Variants in ROBO3 observed in about 807,000 individuals in gnomAD.
ROBO3 encodes the protein roundabout guidance receptor 3, also known as roundabout homolog 3.
A neutral mutation model predicts 160.5 loss-of-function variants in ROBO3; 97 were observed. The ratio of observed to expected loss-of-function variants is 0.60; its 90% CI spans 0.51 to 0.72. ROBO3 has a LOEUF of 0.72. ROBO3 is among the 30% of genes least tolerant of loss of function. ROBO3 has a pLI of 0.00. For synonymous variants in ROBO3, 780 were observed against 746.2 expected, an observed-to-expected ratio of 1.05 and a Z score of -0.74; for missense variants, 1,858 against 1,846.5, an observed-to-expected ratio of 1.01 and a Z score of -0.11.
At position 124,879,626 on chromosome 11, in the gene ROBO3, G is replaced by A. The variant is rs549331422; in HGVS notation, c.3796+51G>A. 94 of 1,550,690 alleles carry A rather than the reference G, an allele frequency of 6.1e-5. No homozygotes were observed. In the African/African-American group the frequency reaches 1.1e-3, roughly 18 times the overall value. ...GGTGACAGTAGTGGCGGGGGGATAG[G>A]CAGGAAACCAAGGGTGCACTCTGGG... On this transcript the variant is annotated intron_variant, in intron 25 of 27. Coordinates refer to ENST00000397801, the MANE Select transcript of ROBO3 (RefSeq NM_022370.4).
Position 124,871,031 on chromosome 11 carries a change from A to C in ROBO3, c.1051A>C (p.Thr351Pro), listed in dbSNP as rs1565310351. 6.2e-7 allele frequency: 1 copy of C among 1,607,252 alleles called. No homozygotes were observed. The highest frequency in any genetic ancestry group is 8.5e-7 in the Non-Finnish European group (1 of 1,174,484). ...CTTCCCAGTCCCACCCCAGTTGGTG[A>C]CCCAGCCCCAGGACCAGATGGCAGC... ...LSVHVPPQLV[T>P]QPQDQMAAPG... Residue 351 changes from threonine to proline, a missense_variant, in exon 7 of 28, where the codon ACC becomes CCC. Coordinates refer to ENST00000397801, the MANE Select transcript of ROBO3 (RefSeq NM_022370.4).
Position 124,876,381 on chromosome 11 carries a change from C to T in ROBO3, c.2700C>T (p.Ala900=). 6.9e-7 allele frequency: 1 copy of T among 1,445,140 alleles called. No homozygotes were observed. 89.5% of individuals were successfully genotyped at this position (1,445,140 alleles called of 1,614,324 possible). A position where few individuals can be genotyped will look rare whatever the true frequency, so the allele number is the denominator to read the frequency against. Residue 900 remains alanine, a synonymous_variant, in exon 17 of 28, where the codon GCC becomes GCT. Transcript: ENST00000397801. The surrounding 1 kb of genome is among the most constrained non-coding windows in gnomAD (Gnocchi z 5.3). ...EPAFLAGSGA[A]CGALLLGLCA... ...CCTTCCTCGCGGGCAGCGGCGCAGC[C>T]TGCGGGGCGCTGCTTCTCGGGCTCT...
Position 124,881,425 on chromosome 11 carries a change from C to G in ROBO3, c.*175C>G. 1 of 634,520 alleles carries G rather than the reference C, an allele frequency of 1.6e-6. No homozygotes were observed. Among genetic ancestry groups the G allele is most frequent in the Non-Finnish European group, 2.8e-6 (1 of 362,040 alleles). 39.3% of individuals were successfully genotyped at this position (634,520 alleles called of 1,614,324 possible). On this transcript the variant is annotated 3_prime_UTR_variant, in exon 28 of 28. Coordinates refer to ENST00000397801, the MANE Select transcript of ROBO3 (RefSeq NM_022370.4). ...CCTTTCTTTCTTTTTCCACCTGAGA[C>G]TTGTTTATAAAAAACAAAACAATAA...
chr11:124,874,980 G>T, intron 13 of ROBO3, 71 bp downstream of exon 13: 2 of 1,549,198 alleles, frequency 1.3e-6, no homozygotes, highest in Non-Finnish European at 1.7e-6. Flanking sequence ...CCAAGAGTGA[G>T]TATGGGAGAG....
rs1946392427 is a variant in ROBO3 at position 124,876,910 on chromosome 11, G to A, written c.2780-251G>A. On this transcript the variant is annotated intron_variant, in intron 17 of 27. Coordinates refer to ENST00000397801, the MANE Select transcript of ROBO3 (RefSeq NM_022370.4). The surrounding 1 kb of genome is among the most constrained non-coding windows in gnomAD (Gnocchi z 5.3). ...CTACTTCCTAGTAAGGGACGTCTCTGGAGAGATTCTGAGGTGTTTGAGGTC... is the reference window on the plus strand; with the variant it reads ...CTACTTCCTAGTAAGGGACGTCTCTAGAGAGATTCTGAGGTGTTTGAGGTC... 9 of 608,438 alleles carry A rather than the reference G, an allele frequency of 1.5e-5. No homozygotes were observed. In the South Asian group the frequency reaches 1.8e-4, roughly 12 times the overall value. 37.7% of individuals were successfully genotyped at this position (608,438 alleles called of 1,614,324 possible).
At chr11:124,866,203 T>C (rs1207139973) in intron 1 of ROBO3, among the ~76,000 whole-genome samples, 9 of 152,128 alleles carry the variant, frequency 5.9e-5, no homozygotes, top group African/African-American at 2.2e-4. Flanking sequence ...GAAGCCAAAA[T>C]GCTGGATGTG....
rs1056068707 is a variant in ROBO3, at chr11:124,872,005, A to G, written c.1159-376A>G. 3.3e-5 allele frequency among the ~76,000 whole-genome samples: 5 copies of G among 152,168 alleles called. No individual in the cohort carries two copies. Among genetic ancestry groups the G allele is most frequent in the Non-Finnish European group, 7.4e-5 (5 of 68,024 alleles). On this transcript the variant is annotated intron_variant, in intron 7 of 27. Coordinates refer to ENST00000397801, the MANE Select transcript of ROBO3 (RefSeq NM_022370.4). The surrounding 1 kb of genome is among the most constrained non-coding windows in gnomAD (Gnocchi z 4.3). The stretch of plus-strand genomic sequence containing the variant: ...TGGATCTATGGAATGAAAACTGTTC[A>G]AGCAGGAAGAAGAGGAATGTGTTTA...
At position 124,865,529 on chromosome 11, in the gene ROBO3, CA is replaced by C; in HGVS notation, c.-48del. 1 of 1,584,764 alleles carries C rather than the reference CA, an allele frequency of 6.3e-7. No individual in the cohort carries two copies. Among genetic ancestry groups the C allele is most frequent in the Non-Finnish European group, 8.6e-7 (1 of 1,165,322 alleles). ...GCTCCCAGCCCACGGGTCTCAGACC[CA>C]GGGGCTGGGCCCCCAGCCCCCAGTC... On this transcript the variant is annotated 5_prime_UTR_variant, in exon 1 of 28. Coordinates refer to ENST00000397801, the MANE Select transcript of ROBO3 (RefSeq NM_022370.4). This position sits in a 1 kb window ranked among gnomAD's most constrained non-coding sequence, Gnocchi z 5.5.
chr11:124,868,959 T>G lies in ROBO3; in HGVS notation c.318T>G (p.Thr106=), dbSNP rs772776720. The part of the protein sequence containing the change: ...EWYKNGARVA[T]VREDPRAHRL... ...ACAAGAACGGGGCGCGTGTGGCCACTGTGCGGGAGGATCCGCGTGCGCACC... is the reference window on the plus strand; with the variant it reads ...ACAAGAACGGGGCGCGTGTGGCCACGGTGCGGGAGGATCCGCGTGCGCACC... Residue 106 remains threonine, a synonymous_variant, in exon 2 of 28, where the codon ACT becomes ACG. Transcript: ENST00000397801. The G allele has an allele frequency of 1.2e-6, 2 of 1,605,420 alleles. No individual in the cohort carries two copies. Among genetic ancestry groups the G allele is most frequent in the Non-Finnish European group, 1.7e-6 (2 of 1,176,842 alleles).
intron 26 of ROBO3, 143 bp from the exon 27 acceptor site, chr11:124,880,275 C>G: frequency 7.3e-7 from 1 of 1,379,166 alleles, no homozygotes; most frequent in Non-Finnish European, 9.7e-7. Flanking sequence ...CACTCTGCTG[C>G]TCCTCAGCCC....
rs147451200 is a variant in ROBO3, at chr11:124,872,834, G to T, written c.1331-50G>T. ...AGAGAATGAGGACAAGGGGCTGCCC[G>T]CGGGGCCCTAAGCTCCTCCCCTGAG... is the stretch of plus-strand genomic sequence containing the variant. On this transcript the variant is annotated intron_variant, in intron 8 of 27. Coordinates refer to ENST00000397801, the MANE Select transcript of ROBO3 (RefSeq NM_022370.4). The surrounding 1 kb of genome is among the most constrained non-coding windows in gnomAD (Gnocchi z 4.3). 16 of 1,442,366 alleles carry T rather than the reference G, an allele frequency of 1.1e-5. No individual in the cohort carries two copies. In the East Asian group the frequency reaches 2.9e-4, roughly 27 times the overall value. 89.3% of individuals were successfully genotyped at this position (1,442,366 alleles called of 1,614,324 possible).
chr11:124,873,772 C>G lies in ROBO3; in HGVS notation c.1694C>G (p.Thr565Ser), dbSNP rs2135330919. Reference protein sequence around the residue: ...PPGAPSQPVVTEITKNSITLT... With the variant: ...PPGAPSQPVVSEITKNSITLT... ...GGGGCTCCCTCTCAGCCAGTGGTCA[C>G]TGAGATCACCAAGAACAGCATTACC... The change falls in exon 11 of 28, where the codon ACT becomes AGT. Residue 565 changes from threonine to serine, a missense_variant. Thr to Ser is a moderately conservative substitution (Grantham distance 58). Transcript: ENST00000397801. The surrounding 1 kb of genome is among the most constrained non-coding windows in gnomAD (Gnocchi z 4.5). 6.2e-7 allele frequency: 1 copy of G among 1,613,984 alleles called. No homozygotes were observed. Among genetic ancestry groups the G allele is most frequent in the East Asian group, 2.2e-5 (1 of 44,886 alleles).
chr11:124,865,835 G>A lies in ROBO3; in HGVS notation c.160+98G>A, dbSNP rs1437528614. 1.8e-5 allele frequency: 24 copies of A among 1,334,642 alleles called. No individual in the cohort carries two copies. In the South Asian group the frequency reaches 3.1e-4, roughly 17 times the overall value. 82.7% of individuals were successfully genotyped at this position (1,334,642 alleles called of 1,614,324 possible). On this transcript the variant is annotated intron_variant, in intron 1 of 27. Coordinates refer to ENST00000397801, the MANE Select transcript of ROBO3 (RefSeq NM_022370.4). The surrounding 1 kb of genome is among the most constrained non-coding windows in gnomAD (Gnocchi z 5.5). ...GAGAAGCGCTCCTGTCCCGAGGTCC[G>A]GGATTGAGTGGCGCCTCCCAGCGCC...
Position 124,879,772 on chromosome 11 carries a change from C to G in ROBO3, c.3797-15C>G. The stretch of plus-strand genomic sequence containing the variant: ...GAGTGGCAGGAGGCTCCGCTGAAAA[C>G]AGCTCCCTCCCCAGACTTGCCCCCA... On this transcript the variant is annotated splice_polypyrimidine_tract_variant and intron_variant, in intron 25 of 27. Coordinates refer to ENST00000397801, the MANE Select transcript of ROBO3 (RefSeq NM_022370.4). 1 of 1,605,750 alleles carries G rather than the reference C, an allele frequency of 6.2e-7. No individual in the cohort carries two copies. Among genetic ancestry groups the G allele is most frequent in the Non-Finnish European group, 8.5e-7 (1 of 1,176,750 alleles).
Position 124,869,433 on chromosome 11 carries a change from C to T in ROBO3, c.488-17C>T, listed in dbSNP as rs768592560. On this transcript the variant is annotated splice_polypyrimidine_tract_variant and intron_variant, in intron 2 of 27. Transcript: ENST00000397801. The surrounding 1 kb of genome is among the most constrained non-coding windows in gnomAD (Gnocchi z 4.2). ...ACTCTACACCCTGCTTATTTCGCCC[C>T]CCACCGCCCCGCCCAGTCCTCCGTG... is the stretch of plus-strand genomic sequence containing the variant. The T allele has an allele frequency of 4.6e-6, 6 of 1,317,810 alleles. No homozygotes were observed. Among genetic ancestry groups the T allele is most frequent in the East Asian group, 2.4e-5 (1 of 41,544 alleles). The allele number at this position is 1,317,810 out of a possible 1,614,324, so 81.6% of individuals were successfully genotyped here.
chr11:124,877,802 A>G, intron 20 of ROBO3, 135 bp from the exon 21 acceptor site: 1 of 1,212,826 alleles, frequency 8.2e-7, no homozygotes, highest in South Asian at 1.4e-5. Flanking sequence ...TCTCAGACCT[A>G]CCTCCACCCT....
In ROBO3 at chr11:124,879,241, G is replaced by C. The variant is rs1400310854; in HGVS notation, c.3585G>C (p.Leu1195=). ...CTCTCAGTGTATCCCAGCCCATGCT[G>C]GGCATCCGTGAAGCGAGGCCTGCTG... is the stretch of plus-strand genomic sequence containing the variant. ...SSPLSVSQPM[L]GIREARPAGL... Residue 1195 remains leucine (L), a synonymous_variant, in exon 24 of 28, where the codon CTG becomes CTC. Coordinates refer to ENST00000397801, the MANE Select transcript of ROBO3 (RefSeq NM_022370.4). The C allele has an allele frequency of 6.4e-7, 1 of 1,560,680 alleles. No homozygotes were observed. The highest frequency in any genetic ancestry group is 8.7e-7 in the Non-Finnish European group (1 of 1,152,250).
chr11:124,874,384 C>A, intron 12 of ROBO3, 148 bp downstream of exon 12: 2 of 720,918 alleles, frequency 2.8e-6, no homozygotes, highest in Non-Finnish European at 4.4e-6. Flanking sequence ...AATAGGAGAT[C>A]ATGTTTGCCT....
In ROBO3 at chr11:124,870,351, A is replaced by G. The variant is rs929068615; in HGVS notation, c.905+48A>G. 8 of 1,584,012 alleles carry G rather than the reference A, an allele frequency of 5.1e-6. No homozygotes were observed. In the African/African-American group the frequency reaches 8.1e-5, roughly 16 times the overall value. ...TAGGAAGACCCAACCTGATCAAGAG[A>G]CTATTCTGCCCTAGAAAACCGGAAG... On this transcript the variant is annotated intron_variant, in intron 5 of 27. Transcript: ENST00000397801.
Sources: allele counts gnomAD v4.1 joint callset (sites outside exome capture counted in the v4.1 genomes callset), GRCh38; gene constraint gnomAD v4.1.1; non-coding constraint Gnocchi (gnomAD v3.1); transcripts MANE v1.5; gene names NCBI Gene and HGNC (gene_info 2026-07-23, HGNC 2026-07-21).